ERG: variants seen among roughly 807,000 people sequenced by gnomAD.
The protein encoded by ERG is transcriptional regulator ERG.
In ERG, 9 loss-of-function variants were observed where a neutral mutation model predicts 55.3. The observed-to-expected ratio is 0.16, with a 90% confidence interval of 0.10 to 0.28. The LOEUF is 0.28. Among genes scored for constraint, ERG ranks in the 10% least tolerant of loss-of-function variants. ERG has a pLI of 1.00. For synonymous variants in ERG, 223 were observed against 237.3 expected (o/e 0.94, Z 0.55); for missense variants, 434 against 631.6 (o/e 0.69, Z 3.35).
At chr21:38,379,862 GTATT>G (rs1433786765), downstream of ERG, among the ~76,000 whole-genome samples, 2 of 152,014 alleles carry the variant, frequency 1.3e-5, no homozygotes, top group African/African-American at 4.8e-5. Flanking sequence ...CCGGCTTTTT[GTATT>G]TATTTATTTT....
intron 3 of ERG, among the ~76,000 whole-genome samples, chr21:38,404,019 C>T (rs1988643783): frequency 6.6e-6 from 1 of 151,990 alleles, no homozygotes; most frequent in Non-Finnish European, 1.5e-5. Flanking sequence ...CATTTATGTT[C>T]AATTTTATTT....
At chr21:38,479,073 G>A (rs891530487) in intron 1 of ERG, among the ~76,000 whole-genome samples, 6 of 152,194 alleles carry the variant, frequency 3.9e-5, no homozygotes, top group African/African-American at 1.4e-4. Flanking sequence ...AATGGTTGCA[G>A]AGTAAACACT....
At chr21:38,541,692 A>G in intron 2 of ERG, among the ~76,000 whole-genome samples, 1 of 152,258 alleles carries the variant, frequency 6.6e-6, no homozygotes, top group East Asian at 1.9e-4. Flanking sequence ...TATATGTAGG[A>G]TAAATAATTT....
intron 1 of ERG, among the ~76,000 whole-genome samples, chr21:38,606,454 C>T (rs1031710396): frequency 4.6e-5 from 7 of 152,140 alleles, no homozygotes; most frequent in East Asian, 1.9e-4. Flanking sequence ...AAGAACAATC[C>T]TCACTGAAGA....
chr21:38,654,593 C>T (rs570335210), intron 1 of ERG, among the ~76,000 whole-genome samples: 1 of 152,316 alleles, frequency 6.6e-6, no homozygotes, highest in East Asian at 1.9e-4. Flanking sequence ...GGGATAAATA[C>T]TAATAATATG....
chr21:38,464,850 T>C (rs1292026755), intron 1 of ERG, among the ~76,000 whole-genome samples: 1 of 152,188 alleles, frequency 6.6e-6, no homozygotes, highest in Non-Finnish European at 1.5e-5. Flanking sequence ...TTGCTGAGAA[T>C]GATGGTTTCC....
At chr21:38,499,809 AAGAG>A (rs777532937), upstream of ERG, among the ~76,000 whole-genome samples, 1 of 148,208 alleles carries the variant, frequency 6.7e-6, no homozygotes, top group Non-Finnish European at 1.5e-5. Context: ...GGAAGGACAG[AAGAG>A]AGAGAGAAAG....
chr21:38,429,737 A>G lies in ERG; in HGVS notation c.237-6176T>C, dbSNP rs1471096019. 5.2e-5 allele frequency among the ~76,000 whole-genome samples: 4 copies of G among 77,354 alleles called. 1 individual carries two copies. The highest frequency in any genetic ancestry group is 9.6e-5 in the African/African-American group (2 of 20,830). 50.7% of individuals were successfully genotyped at this position (77,354 alleles called of 152,430 possible). On this transcript the variant is annotated intron_variant, in intron 2 of 9. Transcript: ENST00000288319. ...CATATATGTCTATATATATGTGTGT[A>G]TATATATATACACACACACACACAC... is the stretch of plus-strand genomic sequence containing the variant.
intron 3 of ERG, among the ~76,000 whole-genome samples, chr21:38,411,678 A>G (rs1420738464): frequency 1.3e-5 from 2 of 152,162 alleles, no homozygotes; most frequent in African/African-American, 2.4e-5. Flanking sequence ...GTTTTTATAA[A>G]TGTTCCTTGA....
At chr21:38,412,911 G>T (rs887695371) in intron 3 of ERG, among the ~76,000 whole-genome samples, 7 of 152,110 alleles carry the variant, frequency 4.6e-5, no homozygotes, top group African/African-American at 1.7e-4. Flanking sequence ...GTCTCTCCAT[G>T]AAGATTTCGT....
chr21:38,658,105 C>T (rs2060530231), intron 1 of ERG, among the ~76,000 whole-genome samples: 1 of 152,208 alleles, frequency 6.6e-6, no homozygotes, highest in Admixed American at 6.5e-5. Context: ...GCCCAAGTAA[C>T]CTTACACACT....
chr21:38,618,286 C>T (rs1028977526), intron 1 of ERG, among the ~76,000 whole-genome samples: 19 of 151,468 alleles, frequency 1.3e-4, no homozygotes, highest in Non-Finnish European at 1.6e-4. Flanking sequence ...CATCTCGGAA[C>T]GAACAGGTGC....
At chr21:38,573,428 T>C (rs1374120591) in intron 2 of ERG, among the ~76,000 whole-genome samples, 1 of 152,202 alleles carries the variant, frequency 6.6e-6, no homozygotes, top group Non-Finnish European at 1.5e-5. Context: ...AATTGTACAT[T>C]TGTTCAATTC....
chr21:38,607,081 T>G (rs116022908), intron 1 of ERG, among the ~76,000 whole-genome samples: 1,967 of 152,296 alleles, frequency 0.013, 51 homozygotes, highest in African/African-American at 0.044. Flanking sequence ...AACAACCTGA[T>G]GGATACAAGA....
intron 3 of ERG, among the ~76,000 whole-genome samples, chr21:38,422,323 T>C (rs555794090): frequency 6.6e-6 from 1 of 152,332 alleles, no homozygotes; most frequent in Non-Finnish European, 1.5e-5. Context: ...CCCACAGAAA[T>C]TGCTGTAAGC....
intron 1 of ERG, among the ~76,000 whole-genome samples, chr21:38,495,094 GT>G (rs1179901631): frequency 6.6e-6 from 1 of 152,152 alleles, no homozygotes; most frequent in Non-Finnish European, 1.5e-5. Context: ...TAGCCAACAG[GT>G]TGATGAAAAA....
the ERG span, among the ~76,000 whole-genome samples, chr21:38,371,841 CAA>C: frequency 1.3e-5 from 2 of 152,074 alleles, no homozygotes; most frequent in South Asian, 4.1e-4. Context: ...TTTTTGGCAT[CAA>C]AGTTATGTTA....
In ERG at chr21:38,433,848, A is replaced by C. The variant is rs148652517; in HGVS notation, c.237-10287T>G. ...ATCAATATGTCTTCTTCTTTGAGTC[A>C]GTGGAGGCAAACCCGCTAATCCTGT... On this transcript the variant is annotated intron_variant, in intron 2 of 9. Coordinates refer to ENST00000288319, the MANE Select transcript of ERG (RefSeq NM_182918.4). Among the ~76,000 whole-genome samples the C allele has an allele frequency of 2.9e-3, 447 of 152,310 alleles. 1 individual carries two copies. The highest frequency in any genetic ancestry group is 5.1e-3 in the Non-Finnish European group (350 of 68,020).
intron 1 of ERG, among the ~76,000 whole-genome samples, chr21:38,496,552 G>T (rs1281100346): frequency 1.3e-5 from 2 of 151,882 alleles, no homozygotes; most frequent in African/African-American, 2.4e-5. Flanking sequence ...TTTAACAGAA[G>T]ATTAAAAAAA....
Sources: gnomAD v4.1 joint callset for allele counts (sites outside exome capture counted in the v4.1 genomes callset) on GRCh38, gnomAD v4.1.1 for gene constraint, MANE v1.5 for transcripts, NCBI Gene and HGNC (gene_info 2026-07-23, HGNC 2026-07-21) for gene names.